TGFA: variants seen among roughly 807,000 people sequenced by gnomAD.
The protein encoded by TGFA is transforming growth factor alpha, also known as protransforming growth factor alpha.
In TGFA, 12 loss-of-function variants were observed where a neutral mutation model predicts 21.7. The ratio of observed to expected loss-of-function variants is 0.55; its 90% CI spans 0.35 to 0.90. TGFA has a LOEUF of 0.90. Among genes scored for constraint, TGFA ranks in the 40% least tolerant of loss-of-function variants. The pLI, the probability that TGFA is intolerant of heterozygous loss-of-function variation, is 0.01. For synonymous variants in TGFA, 79 were observed against 88.1 expected (o/e 0.90, Z 0.58); for missense variants, 178 against 210.8 (o/e 0.84, Z 0.96).
chr2:70,482,418 C>A (rs1671152892), intron 2 of TGFA, among the ~76,000 whole-genome samples: 1 of 152,170 alleles, frequency 6.6e-6, no homozygotes, highest in Non-Finnish European at 1.5e-5. Context: ...CTCTAAAGCT[C>A]TAGGTTACAG....
intron 2 of TGFA, among the ~76,000 whole-genome samples, chr2:70,496,707 C>T (rs1430439261): frequency 1.3e-5 from 2 of 152,142 alleles, no homozygotes; most frequent in African/African-American, 4.8e-5. Flanking sequence ...GTGTTCCTTC[C>T]TTCTTTACTT....
intron 2 of TGFA, among the ~76,000 whole-genome samples, chr2:70,466,224 T>A (rs555799720): frequency 6.6e-6 from 1 of 152,212 alleles, no homozygotes; most frequent in Non-Finnish European, 1.5e-5. Context: ...GTTTCCAGTA[T>A]TGTCTGTATA....
Position 70,449,577 on chromosome 2 carries a change from T to G in TGFA, c.*1282A>C, listed in dbSNP as rs1378215512. On this transcript the variant is annotated 3_prime_UTR_variant, in exon 6 of 6. Transcript: ENST00000295400. ...TCTTGAGGGGAAAGGAAGACCCACA[T>G]AGTGGAGGTGACTTGTTAGAGTTTT... The G allele has an allele frequency of 1.8e-5, 5 of 284,546 alleles. No homozygotes were observed. 17.6% of individuals were successfully genotyped at this position (284,546 alleles called of 1,614,324 possible).
rs1670227150 is a variant in TGFA, at chr2:70,456,348, A to C, written c.356T>G (p.Val119Gly). ...GGCAGCAAGTACTCACTGTATCAGC[A>C]CACATGTGATGATAAGGACAGCCAG... is the stretch of plus-strand genomic sequence containing the variant. ...VALAVLIITCVLIHCCQVRKH... is the reference protein window; with the variant it reads ...VALAVLIITCGLIHCCQVRKH... The change falls in exon 4 of 6, where the codon GTG (valine) becomes GGG (glycine). Residue 119 changes from valine (V) to glycine (G), a missense_variant. Transcript: ENST00000295400. The C allele has an allele frequency of 2.6e-6, 4 of 1,557,896 alleles. No homozygotes were observed. The highest frequency in any genetic ancestry group is 3.5e-6 in the Non-Finnish European group (4 of 1,150,368).
At position 70,553,743 on chromosome 2, in the gene TGFA, C is replaced by A. The variant is rs2103969943; in HGVS notation, c.25G>T (p.Ala9Ser). The A allele has an allele frequency of 7.6e-7, 1 of 1,320,920 alleles. No individual in the cohort carries two copies. Among genetic ancestry groups the A allele is most frequent in the South Asian group, 2.4e-5 (1 of 41,862 alleles). The allele number at this position is 1,320,920 out of a possible 1,614,324, so 81.8% of individuals were successfully genotyped here. ...GCGTACGTACCCAGAGCGAACAGGGCGAGCTGTCCAGCCGAGGGGACCATT... is the reference window on the plus strand; with the variant it reads ...GCGTACGTACCCAGAGCGAACAGGGAGAGCTGTCCAGCCGAGGGGACCATT... MVPSAGQL[A>S]LFALGIVLAA... The change falls in exon 1 of 6, where the codon GCC (alanine) becomes TCC (serine). Residue 9 changes from alanine (A) to serine (S), a missense_variant. Coordinates refer to ENST00000295400, the MANE Select transcript of TGFA (RefSeq NM_003236.4).
rs1418549671 is a variant in TGFA, at chr2:70,447,596, T to G, written c.*3263A>C. 6.6e-6 allele frequency: 1 copy of G among 152,612 alleles called. No individual in the cohort carries two copies. Among genetic ancestry groups the G allele is most frequent in the Non-Finnish European group, 1.5e-5 (1 of 68,032 alleles). The allele number at this position is 152,612 out of a possible 1,614,324, so 9.5% of individuals were successfully genotyped here. On this transcript the variant is annotated 3_prime_UTR_variant, in exon 6 of 6. Transcript: ENST00000295400. Reference sequence around the variant, plus strand: ...TAAAGATAATGAAAAGTTGACCATTTTAGTAAATTATTAAGACTAAGAAGA... The same window carrying G: ...TAAAGATAATGAAAAGTTGACCATTGTAGTAAATTATTAAGACTAAGAAGA...
At chr2:70,486,482 T>C (rs1428513273) in intron 2 of TGFA, among the ~76,000 whole-genome samples, 2 of 151,090 alleles carry the variant, frequency 1.3e-5, no homozygotes, top group African/African-American at 4.9e-5. Context: ...TTGTTGTTGT[T>C]TGTCTTTTTT....
In TGFA at chr2:70,448,322, A is replaced by G. The variant is rs1559092063; in HGVS notation, c.*2537T>C. Reference sequence around the variant, plus strand: ...GGAGGCCTTTTAAAAAATGTTTGTTATTTTTTTAAATGGGGGCTTTTCATT... The same window carrying G: ...GGAGGCCTTTTAAAAAATGTTTGTTGTTTTTTTAAATGGGGGCTTTTCATT... On this transcript the variant is annotated 3_prime_UTR_variant, in exon 6 of 6. Coordinates refer to ENST00000295400, the MANE Select transcript of TGFA (RefSeq NM_003236.4). The G allele has an allele frequency of 2.0e-5, 3 of 152,058 alleles. No individual in the cohort carries two copies. The highest frequency in any genetic ancestry group is 7.2e-5 in the African/African-American group (3 of 41,392). 9.4% of individuals were successfully genotyped at this position (152,058 alleles called of 1,614,324 possible). A position where few individuals can be genotyped will look rare whatever the true frequency, so the allele number is the denominator to read the frequency against.
chr2:70,485,328 C>T (rs905955573), intron 2 of TGFA, among the ~76,000 whole-genome samples: 7 of 152,174 alleles, frequency 4.6e-5, no homozygotes, highest in African/African-American at 1.7e-4. Context: ...ACCCCCGCCT[C>T]CTGGGTTCAA....
At chr2:70,491,478 G>C (rs1553497623) in intron 2 of TGFA, among the ~76,000 whole-genome samples, 3 of 152,316 alleles carry the variant, frequency 2.0e-5, no homozygotes, top group African/African-American at 7.2e-5. Context: ...CTCCACCAAA[G>C]CCCACCTGTG....
intron 1 of TGFA, among the ~76,000 whole-genome samples, chr2:70,534,914 A>G (rs1218317654): frequency 6.6e-6 from 1 of 152,134 alleles, no homozygotes. Context: ...GCTGATATGG[A>G]GAGTCAGAAT....
chr2:70,480,915 T>A (rs1264875470), intron 2 of TGFA, among the ~76,000 whole-genome samples: 1 of 152,058 alleles, frequency 6.6e-6, no homozygotes, highest in Non-Finnish European at 1.5e-5. Context: ...CATAAAAAAG[T>A]TGGGAATTCC....
intron 1 of TGFA, among the ~76,000 whole-genome samples, chr2:70,535,144 A>G (rs917617699): frequency 6.6e-6 from 1 of 152,182 alleles, no homozygotes; most frequent in Non-Finnish European, 1.5e-5. Flanking sequence ...ACTATGAGCC[A>G]GGCAACCTTC....
chr2:70,469,508 G>A (rs550170886), intron 2 of TGFA, among the ~76,000 whole-genome samples: 3 of 151,932 alleles, frequency 2.0e-5, no homozygotes, highest in Non-Finnish European at 4.4e-5. Flanking sequence ...GCTAATTTTT[G>A]TATCTTAGTA....
intron 1 of TGFA, among the ~76,000 whole-genome samples, chr2:70,529,773 A>C (rs902493490): frequency 6.6e-6 from 1 of 152,214 alleles, no homozygotes. Context: ...CATCTGATGC[A>C]TGTGACAGAA....
In TGFA at chr2:70,453,199, CAGAGA is replaced by C; in HGVS notation, c.475+14_475+18del. On this transcript the variant is annotated intron_variant, in intron 5 of 5. Transcript: ENST00000295400. ...TTCTCCACCCAATAGTGTCTCCCAC[CAGAGA>C]AGAGTCTCCTTACCTGTTTCTGAGT... 3 of 1,607,454 alleles carry C rather than the reference CAGAGA, an allele frequency of 1.9e-6. No homozygotes were observed. The highest frequency in any genetic ancestry group is 2.6e-6 in the Non-Finnish European group (3 of 1,174,388).
At position 70,449,180 on chromosome 2, in the gene TGFA, G is replaced by A. The variant is rs1669975688; in HGVS notation, c.*1679C>T. ...GAAGACACGGGTCATAGAATTGTCT[G>A]AATTATAAAAAAAAATAAAGAGAAA... On this transcript the variant is annotated 3_prime_UTR_variant, in exon 6 of 6. Transcript: ENST00000295400. 1 of 131,798 alleles carries A rather than the reference G, an allele frequency of 7.6e-6. No homozygotes were observed. The highest frequency in any genetic ancestry group is 2.7e-5 in the African/African-American group (1 of 37,404). 8.2% of individuals were successfully genotyped at this position (131,798 alleles called of 1,614,324 possible). A position where few individuals can be genotyped will look rare whatever the true frequency, so the allele number is the denominator to read the frequency against.
chr2:70,523,494 T>C (rs142929835), intron 1 of TGFA, among the ~76,000 whole-genome samples: 144 of 152,314 alleles, frequency 9.5e-4, no homozygotes, highest in Non-Finnish European at 1.4e-3. Context: ...CCGGGTCTCT[T>C]ACAAACACTA....
In TGFA at chr2:70,465,840, G is replaced by A. The variant is rs868935224; in HGVS notation, c.95-104C>T. On this transcript the variant is annotated intron_variant, in intron 2 of 5. Coordinates refer to ENST00000295400, the MANE Select transcript of TGFA (RefSeq NM_003236.4). ...AGAAGGTGGAGCCCCTGATGGCTGG[G>A]ACTTTGGGTTCTCACCTGGGGCACA... The A allele has an allele frequency of 3.7e-5, 56 of 1,520,914 alleles. No individual in the cohort carries two copies. In the African/African-American group the frequency reaches 7.0e-4, roughly 19 times the overall value. 94.2% of individuals were successfully genotyped at this position (1,520,914 alleles called of 1,614,324 possible).
Sources: allele counts gnomAD v4.1 joint callset (sites outside exome capture counted in the v4.1 genomes callset), GRCh38; gene constraint gnomAD v4.1.1; transcripts MANE v1.5; gene names NCBI Gene and HGNC (gene_info 2026-07-23, HGNC 2026-07-21).